Variants in PCDHA12 observed in about 807,000 individuals in gnomAD.
PCDHA12 encodes protocadherin alpha-12.
Under a neutral mutation model 60.0 loss-of-function variants are expected in PCDHA12, and 44 were observed. That is an observed-to-expected ratio of 0.73 (90% CI 0.58 to 0.94). PCDHA12 has a LOEUF of 0.94. Ranked by LOEUF, PCDHA12 falls within the 40% of genes least tolerant of loss-of-function variation. PCDHA12 has a pLI of 0.00. For synonymous variants in PCDHA12, 569 were observed against 553.0 expected (o/e 1.03, Z -0.40); for missense variants, 1,276 against 1,239.7 (o/e 1.03, Z -0.44).
chr5:140,893,338 T>C (rs1409461265), intron 1 of PCDHA12, among the ~76,000 whole-genome samples: 1 of 152,174 alleles, frequency 6.6e-6, no homozygotes, highest in African/African-American at 2.4e-5. Context: ...TTTTCCTTAG[T>C]GGCAGTGCTA....
intron 1 of PCDHA12, chr5:140,967,032 A>T: frequency 6.2e-7 from 1 of 1,610,180 alleles, no homozygotes; most frequent in Non-Finnish European, 8.5e-7. Flanking sequence ...AGTCCGCGCT[A>T]CCTGGAGCTG....
At chr5:140,977,342 T>A (rs1554238451) in intron 1 of PCDHA12, among the ~76,000 whole-genome samples, 1 of 152,222 alleles carries the variant, frequency 6.6e-6, no homozygotes, top group South Asian at 2.1e-4. Context: ...GAGACGGTGA[T>A]GATGACTGAT....
At chr5:140,980,440 G>A (rs1317929590) in intron 2 of PCDHA12, among the ~76,000 whole-genome samples, 1 of 152,144 alleles carries the variant, frequency 6.6e-6, no homozygotes, top group African/African-American at 2.4e-5. Flanking sequence ...GACCATCCTG[G>A]ACAACACGGT....
chr5:140,917,585 T>C (rs1204000344), intron 1 of PCDHA12, among the ~76,000 whole-genome samples: 1 of 152,244 alleles, frequency 6.6e-6, no homozygotes, highest in Non-Finnish European at 1.5e-5. Context: ...TTTTTGTTCA[T>C]GCTGAAAGGA....
At position 140,877,269 on chromosome 5, in the gene PCDHA12, T is replaced by A; in HGVS notation, c.1797T>A (p.Ala599=). ...HVVAKVRAVD[A]DSGYNAWLSY... is the part of the protein sequence containing the mutation. Reference sequence around the variant, plus strand: ...TGGCGAAAGTGCGCGCGGTGGACGCTGACTCCGGCTATAACGCTTGGCTGT... The same window carrying A: ...TGGCGAAAGTGCGCGCGGTGGACGCAGACTCCGGCTATAACGCTTGGCTGT... The change falls in exon 1 of 4, where the codon GCT becomes GCA. Residue 599 remains alanine (A), a synonymous_variant. Transcript: ENST00000398631. The A allele has an allele frequency of 6.2e-7, 1 of 1,613,758 alleles. No homozygotes were observed.
intron 1 of PCDHA12, 163 bp from the exon 2 acceptor site, chr5:140,978,786 G>C (rs2096822943): frequency 1.4e-5 from 14 of 972,674 alleles, no homozygotes; most frequent in Non-Finnish European, 1.3e-5. Context: ...CTTCTAAAGT[G>C]CTATATATGT....
At chr5:140,919,940 A>C (rs1162813087) in intron 1 of PCDHA12, among the ~76,000 whole-genome samples, 3 of 152,064 alleles carry the variant, frequency 2.0e-5, no homozygotes, top group African/African-American at 7.2e-5. Context: ...GGCTAATTCC[A>C]GTGAAAAGTT....
Position 140,876,771 on chromosome 5 carries a change from T to C in PCDHA12, c.1299T>C (p.Pro433=). ...TGACTGCGCGGGATGGGGGCTCGCC[T>C]TCGCTGTGGGCCACGGCTAGAGTGT... ...LVVTARDGGS[P]SLWATARVSV... Residue 433 remains proline (P), a synonymous_variant, in exon 1 of 4, where the codon CCT becomes CCC. Transcript: ENST00000398631. 6.2e-7 allele frequency: 1 copy of C among 1,614,228 alleles called. No individual in the cohort carries two copies. The highest frequency in any genetic ancestry group is 1.3e-5 in the African/African-American group (1 of 75,072).
chr5:140,927,098 A>G (rs1554204018), intron 1 of PCDHA12: 4 of 1,613,286 alleles, frequency 2.5e-6, no homozygotes, highest in Non-Finnish European at 3.4e-6. Flanking sequence ...TTCGGGGTGG[A>G]TCTACCCAGC....
intron 1 of PCDHA12, among the ~76,000 whole-genome samples, chr5:140,904,820 A>C (rs2071403823): frequency 6.6e-6 from 1 of 152,014 alleles, no homozygotes; most frequent in African/African-American, 2.4e-5. Flanking sequence ...GATGTTGAGC[A>C]TTTTTTTATA....
chr5:140,944,301 C>T (rs1320988632), intron 1 of PCDHA12, among the ~76,000 whole-genome samples: 1 of 152,176 alleles, frequency 6.6e-6, no homozygotes, highest in Non-Finnish European at 1.5e-5. Flanking sequence ...GATCCTCCTA[C>T]CTCAGCCTCC....
chr5:140,903,823 G>A (rs1303323584), intron 1 of PCDHA12, among the ~76,000 whole-genome samples: 1 of 152,048 alleles, frequency 6.6e-6, no homozygotes, highest in Non-Finnish European at 1.5e-5. Flanking sequence ...TCACATGAAT[G>A]TCTGTTGGTA....
intron 2 of PCDHA12, chr5:140,982,259 G>A (rs2153828072): frequency 2.4e-6 from 2 of 820,856 alleles, no homozygotes; most frequent in South Asian, 4.9e-5. Context: ...GAACATGTGT[G>A]TTCCTGGAAT....
At chr5:140,882,629 G>C in intron 1 of PCDHA12, 1 of 1,614,254 alleles carries the variant, frequency 6.2e-7, no homozygotes, top group Non-Finnish European at 8.5e-7. Context: ...CCATGTGGAG[G>C]TGAAGGTGAG....
At chr5:140,977,141 C>T (rs1264237183) in intron 1 of PCDHA12, among the ~76,000 whole-genome samples, 1 of 152,204 alleles carries the variant, frequency 6.6e-6, no homozygotes, top group Non-Finnish European at 1.5e-5. Flanking sequence ...GTCAGTCCTG[C>T]TGGAACTGTG....
At chr5:140,893,570 G>A (rs1583135271) in intron 1 of PCDHA12, among the ~76,000 whole-genome samples, 1 of 152,154 alleles carries the variant, frequency 6.6e-6, no homozygotes, top group African/African-American at 2.4e-5. Context: ...TACTTCCTCA[G>A]TTTTTGCTTG....
rs1554168487 is a variant in PCDHA12 at position 140,876,335 on chromosome 5, G to A, written c.863G>A (p.Ser288Asn). ...SYGIKMILPVSEKCMFSINPD... is the reference protein window; with the variant it reads ...SYGIKMILPVNEKCMFSINPD... ...GGGATCAAAATGATTTTGCCAGTGA[G>A]TGAGAAATGTATGTTTTCAATAAAT... The change falls in exon 1 of 4, where the codon AGT becomes AAT. Residue 288 changes from serine (S) to asparagine (N), a missense_variant. Ser to Asn is a conservative substitution (Grantham distance 46). Transcript: ENST00000398631. 3 of 1,614,034 alleles carry A rather than the reference G, an allele frequency of 1.9e-6. No individual in the cohort carries two copies. The highest frequency in any genetic ancestry group is 4.5e-5 in the East Asian group (2 of 44,894).
At chr5:140,885,267 C>T (rs1448375746) in intron 1 of PCDHA12, among the ~76,000 whole-genome samples, 1 of 151,978 alleles carries the variant, frequency 6.6e-6, no homozygotes, top group Non-Finnish European at 1.5e-5. Flanking sequence ...ATTACTCATA[C>T]ATATATATAT....
At chr5:140,982,585 A>G (rs782780327) in intron 3 of PCDHA12, 22 bp downstream of exon 3, 1 of 1,611,974 alleles carries the variant, frequency 6.2e-7, no homozygotes, top group Non-Finnish European at 8.5e-7. Context: ...GGGTCTCTCC[A>G]TTCTTTCTTG....
Sources: allele counts gnomAD v4.1 joint callset (sites outside exome capture counted in the v4.1 genomes callset), GRCh38; gene constraint gnomAD v4.1.1; transcripts MANE v1.5; gene names NCBI Gene and HGNC (gene_info 2026-07-23, HGNC 2026-07-21).